EHBP1: variants seen among roughly 807,000 people sequenced by gnomAD.
EHBP1 encodes EH domain-binding protein 1.
Under a neutral mutation model 144.0 loss-of-function variants are expected in EHBP1, and 55 were observed. The ratio of observed to expected loss-of-function variants is 0.38; its 90% CI spans 0.31 to 0.48. The LOEUF is 0.48. EHBP1 is among the 20% of genes least tolerant of loss of function. The probability of loss-of-function intolerance (pLI) is 0.98; values close to 1 mark genes in which losing one functional copy is unlikely to be tolerated. For missense variants in EHBP1, 1,200 were observed against 1,364.2 expected, an observed-to-expected ratio of 0.88 and a Z score of 1.90; for synonymous variants, 469 against 472.7, an observed-to-expected ratio of 0.99 and a Z score of 0.10.
intron 2 of EHBP1, among the ~76,000 whole-genome samples, chr2:62,709,248 T>A (rs1334307797): frequency 6.6e-6 from 1 of 152,044 alleles, no homozygotes; most frequent in Non-Finnish European, 1.5e-5. Context: ...TGGTGGTCAT[T>A]TCAGTTGGGG....
At chr2:62,724,797 A>C (rs1442037128) in intron 2 of EHBP1, among the ~76,000 whole-genome samples, 1 of 152,110 alleles carries the variant, frequency 6.6e-6, no homozygotes, top group African/African-American at 2.4e-5. Flanking sequence ...TACTACCTGA[A>C]ATCCGCCTCC....
At chr2:62,866,250 C>G (rs1295322627) in intron 9 of EHBP1, among the ~76,000 whole-genome samples, 2 of 152,184 alleles carry the variant, frequency 1.3e-5, no homozygotes, top group East Asian at 3.8e-4. Flanking sequence ...AAACTTATCT[C>G]AAGTAATTTA....
At chr2:62,829,636 AATACTACTATAT>A (rs1369190421) in intron 6 of EHBP1, among the ~76,000 whole-genome samples, 2 of 146,794 alleles carry the variant, frequency 1.4e-5, no homozygotes, top group Admixed American at 6.9e-5. Flanking sequence ...TATAATACAT[AATACTACTATAT>A]ATACTACTAT....
intron 10 of EHBP1, among the ~76,000 whole-genome samples, chr2:62,938,966 G>A (rs2056569863): frequency 1.3e-5 from 2 of 152,082 alleles, no homozygotes; most frequent in South Asian, 2.1e-4. Flanking sequence ...TTACTGAATG[G>A]TACTGTTTGC....
At chr2:62,717,414 A>G (rs1356311739) in intron 2 of EHBP1, among the ~76,000 whole-genome samples, 1 of 152,262 alleles carries the variant, frequency 6.6e-6, no homozygotes, top group Non-Finnish European at 1.5e-5. Flanking sequence ...AAAATAGTTC[A>G]GGAAAAATTG....
chr2:62,700,956 A>G (rs146216500), upstream of EHBP1, among the ~76,000 whole-genome samples: 1 of 152,298 alleles, frequency 6.6e-6, no homozygotes, highest in African/African-American at 2.4e-5. Context: ...TATTTCTATT[A>G]GCTCTCAGAT....
chr2:62,730,642 C>G (rs2037421873), intron 2 of EHBP1, among the ~76,000 whole-genome samples: 1 of 149,536 alleles, frequency 6.7e-6, no homozygotes, highest in African/African-American at 2.5e-5. Flanking sequence ...GAGAGAGAGA[C>G]AGAGACAGAG....
At chr2:63,027,241 A>G (rs528949320) in intron 19 of EHBP1, among the ~76,000 whole-genome samples, 1 of 152,314 alleles carries the variant, frequency 6.6e-6, no homozygotes, top group African/African-American at 2.4e-5. Context: ...AGCCTATAAG[A>G]AAGTTATTGG....
At chr2:62,842,912 GA>G (rs1428045041) in intron 7 of EHBP1, among the ~76,000 whole-genome samples, 1 of 152,194 alleles carries the variant, frequency 6.6e-6, no homozygotes, top group Non-Finnish European at 1.5e-5. Context: ...TTGAAAGGAA[GA>G]GTGAGAACAG....
intron 2 of EHBP1, among the ~76,000 whole-genome samples, chr2:62,711,744 C>T (rs775844450): frequency 1.6e-4 from 25 of 151,920 alleles, no homozygotes; most frequent in Admixed American, 3.9e-4. Flanking sequence ...ATTGGGAGAG[C>T]GTGTTTTCTA....
chr2:63,016,954 G>C (rs762734531), intron 19 of EHBP1, among the ~76,000 whole-genome samples: 11 of 152,116 alleles, frequency 7.2e-5, no homozygotes, highest in Non-Finnish European at 1.3e-4. Flanking sequence ...CTACAGGAGA[G>C]GCTGTTCTTC....
rs554070334 is a variant in EHBP1, at chr2:62,874,427, G to C, written c.1080G>C (p.Arg360Ser). 22 of 1,613,432 alleles carry C rather than the reference G, an allele frequency of 1.4e-5. No individual in the cohort carries two copies. The South Asian group carries it at 1.8e-4, about 13-fold the overall frequency. ...VNPVQELETE[R>S]RVKRKAPAPP... is the part of the protein sequence containing the mutation. ...CTGTTCAAGAACTAGAAACTGAAAG[G>C]CGAGTGAAAAGAAAGGCCCCGGCTC... The change falls in exon 10 of 23, where the codon AGG becomes AGC. Residue 360 changes from arginine to serine, a missense_variant. By Grantham distance (110) the Arg-to-Ser change is moderately radical. Around this residue, in one of 6 missense-constraint regions of EHBP1, gnomAD observed 266 missense variants for 262.4 expected, o/e 1.01. Transcript: ENST00000431489.
At chr2:62,701,917 C>G (rs553368435), upstream of EHBP1, among the ~76,000 whole-genome samples, 3 of 151,998 alleles carry the variant, frequency 2.0e-5, no homozygotes, top group Non-Finnish European at 4.4e-5. Context: ...GGGAGCAAAT[C>G]TTATTACTAG....
At chr2:62,966,686 C>A (rs1320133696) in intron 14 of EHBP1, among the ~76,000 whole-genome samples, 1 of 152,012 alleles carries the variant, frequency 6.6e-6, no homozygotes, top group African/African-American at 2.4e-5. Flanking sequence ...TTATAAGATA[C>A]ATTTGATTCT....
chr2:62,732,929 C>G (rs2037754582), intron 2 of EHBP1, among the ~76,000 whole-genome samples: 1 of 152,154 alleles, frequency 6.6e-6, no homozygotes, highest in Non-Finnish European at 1.5e-5. Context: ...GTTGATGAGC[C>G]TATCAAAGGC....
At chr2:62,729,573 A>AT (rs2152007012) in intron 2 of EHBP1, among the ~76,000 whole-genome samples, 1 of 127,266 alleles carries the variant, frequency 7.9e-6, no homozygotes, top group Non-Finnish European at 1.6e-5. Flanking sequence ...ATAATATAAT[A>AT]AATAAATATA....
At chr2:62,935,724 T>C (rs2056339432) in intron 10 of EHBP1, among the ~76,000 whole-genome samples, 1 of 152,166 alleles carries the variant, frequency 6.6e-6, no homozygotes, top group Non-Finnish European at 1.5e-5. Flanking sequence ...GGGACATTGT[T>C]GAATAAAAGT....
intron 14 of EHBP1, among the ~76,000 whole-genome samples, chr2:62,962,969 C>T (rs891270981): frequency 6.6e-6 from 1 of 152,174 alleles, no homozygotes; most frequent in African/African-American, 2.4e-5. Context: ...AGCCTTTTCT[C>T]ACATAACAGG....
chr2:62,693,859 G>A (rs2033992461), intron 1 of EHBP1, among the ~76,000 whole-genome samples: 1 of 152,106 alleles, frequency 6.6e-6, no homozygotes, highest in Non-Finnish European at 1.5e-5. Flanking sequence ...ATATGAGTGA[G>A]AACATGTAAT....
Sources: allele counts gnomAD v4.1 joint callset (sites outside exome capture counted in the v4.1 genomes callset), GRCh38; gene constraint gnomAD v4.1.1; regional missense constraint gnomAD v4.1.1; transcripts MANE v1.5; gene names NCBI Gene and HGNC (gene_info 2026-07-23, HGNC 2026-07-21).